Variants in KANK3 observed in about 807,000 individuals in gnomAD.
The protein encoded by KANK3 is KN motif and ankyrin repeat domain-containing protein 3.
KANK3 carries 61 observed loss-of-function variants against 65.4 expected under a neutral mutation model. That is an observed-to-expected ratio of 0.93 (90% confidence interval 0.76 to 1.15). The LOEUF is 1.15. Ranked by LOEUF, KANK3 falls within the 50% of genes most tolerant of loss-of-function variation. The pLI is 0.00. For synonymous variants in KANK3, 586 were observed against 543.3 expected (o/e 1.08, Z -1.09); for missense variants, 1,187 against 1,178.8 (o/e 1.01, Z -0.10).
At chr19:8,327,014 G>A (rs918943562) in intron 7 of KANK3, among the ~76,000 whole-genome samples, 5 of 152,140 alleles carry the variant, frequency 3.3e-5, no homozygotes, top group African/African-American at 1.2e-4. Context: ...TGCCTGTTTG[G>A]ATGATATTTC....
At chr19:8,329,122 G>T (rs192805922) in intron 7 of KANK3, among the ~76,000 whole-genome samples, 1 of 147,280 alleles carries the variant, frequency 6.8e-6, no homozygotes, top group South Asian at 2.2e-4. Flanking sequence ...AGTGAGCCGA[G>T]ATGGCGCCAC....
chr19:8,342,970 C>A (rs1970739751), intron 1 of KANK3, among the ~76,000 whole-genome samples: 1 of 152,150 alleles, frequency 6.6e-6, no homozygotes, highest in South Asian at 2.1e-4. Flanking sequence ...AGGGAGCGAA[C>A]GAGCCCCGCA....
rs1568579072 is a variant in KANK3 at position 8,337,773 on chromosome 19, ATCTC to A, written c.34+18_34+21del. Reference sequence around the variant, plus strand: ...TCTGTGCATGCGCACACACACACACATCTCTCTTTTTGCACACTCACCGGGCAGG... The same window carrying A: ...TCTGTGCATGCGCACACACACACACATCTTTTTGCACACTCACCGGGCAGG... On this transcript the variant is annotated intron_variant, in intron 2 of 10. Coordinates refer to ENST00000330915, the MANE Select transcript of KANK3 (RefSeq NM_198471.3). 6.2e-7 allele frequency: 1 copy of A among 1,611,900 alleles called. No individual in the cohort carries two copies. Among genetic ancestry groups the A allele is most frequent in the Admixed American group, 1.7e-5 (1 of 59,982 alleles).
intron 7 of KANK3, among the ~76,000 whole-genome samples, chr19:8,330,527 G>A (rs1375906409): frequency 2.6e-5 from 4 of 152,032 alleles, no homozygotes; most frequent in African/African-American, 9.7e-5. Context: ...TCGGGAGTTT[G>A]AGACCAGCCT....
At chr19:8,329,615 T>TTGTC (rs1355555164) in intron 7 of KANK3, among the ~76,000 whole-genome samples, 1 of 151,128 alleles carries the variant, frequency 6.6e-6, no homozygotes, top group Non-Finnish European at 1.5e-5. Context: ...TAGAAACAGG[T>TTGTC]TGTCCTTTAA....
At position 8,334,530 on chromosome 19, in the gene KANK3, T is replaced by C. The variant is rs1282806108; in HGVS notation, c.1297A>G (p.Met433Val). ...SLTQESSPGS[M>V]DGDRAVAPAG... ...GGCGCCACGGCCCTGTCTCCGTCCATGGATCCGGGCGAGCTCTCCTGAGTC... is the reference window on the plus strand; with the variant it reads ...GGCGCCACGGCCCTGTCTCCGTCCACGGATCCGGGCGAGCTCTCCTGAGTC... Residue 433 changes from methionine to valine, a missense_variant, in exon 3 of 11, where the codon ATG becomes GTG. Met to Val is a conservative substitution (Grantham distance 21). Coordinates refer to ENST00000330915, the MANE Select transcript of KANK3 (RefSeq NM_198471.3). The C allele has an allele frequency of 6.2e-7, 1 of 1,603,382 alleles. No individual in the cohort carries two copies. Among genetic ancestry groups the C allele is most frequent in the Non-Finnish European group, 8.5e-7 (1 of 1,179,552 alleles).
At position 8,325,002 on chromosome 19, in the gene KANK3, A is replaced by C; in HGVS notation, c.2031T>G (p.Ala677=). The change falls in exon 8 of 11, where the codon GCT becomes GCG. Residue 677 remains alanine (A), a synonymous_variant. Transcript: ENST00000330915. ...CCATGCAGAAGAGTCTCTGGACCAC[A>C]GCCATGTCCTCCTCTTCCTGCCTCA... ...TSVRQEEEDM[A]VVQRLFCMGD... The C allele has an allele frequency of 6.2e-7, 1 of 1,609,536 alleles. No individual in the cohort carries two copies. The highest frequency in any genetic ancestry group is 8.5e-7 in the Non-Finnish European group (1 of 1,179,046).
Position 8,322,755 on chromosome 19 carries a change from C to A in KANK3, c.*84G>T. ...AGTGTTAGCCTCTGAGCAGGGGACC[C>A]TGGACCCTTCTGTGCGCCAAAGGCT... On this transcript the variant is annotated 3_prime_UTR_variant, in exon 11 of 11. Coordinates refer to ENST00000330915, the MANE Select transcript of KANK3 (RefSeq NM_198471.3). The A allele has an allele frequency of 9.5e-7, 1 of 1,055,432 alleles. No individual in the cohort carries two copies. The highest frequency in any genetic ancestry group is 2.5e-5 in the East Asian group (1 of 40,642). The allele number at this position is 1,055,432 out of a possible 1,614,324, so 65.4% of individuals were successfully genotyped here.
At position 8,325,079 on chromosome 19, in the gene KANK3, G is replaced by C; in HGVS notation, c.1954C>G (p.Arg652Gly). The change falls in exon 8 of 11, where the codon CGC becomes GGC. Residue 652 changes from arginine to glycine, a missense_variant. By Grantham distance (125) the Arg-to-Gly change is moderately radical. Transcript: ENST00000330915. The part of the protein sequence containing the change: ...LLDTGACEVN[R>G]QNRAGYSALM... ...GCCGAGTAGCCGGCTCGGTTCTGGCGGTTGACCTCGCAGGCCCCTGGGAGA... is the reference window on the plus strand; with the variant it reads ...GCCGAGTAGCCGGCTCGGTTCTGGCCGTTGACCTCGCAGGCCCCTGGGAGA... 1 of 1,612,928 alleles carries C rather than the reference G, an allele frequency of 6.2e-7. No individual in the cohort carries two copies. The highest frequency in any genetic ancestry group is 8.5e-7 in the Non-Finnish European group (1 of 1,179,788).
intron 7 of KANK3, among the ~76,000 whole-genome samples, chr19:8,327,121 C>T (rs981800906): frequency 6.6e-6 from 1 of 151,966 alleles, no homozygotes; most frequent in Non-Finnish European, 1.5e-5. Flanking sequence ...GGGAAAGGAG[C>T]GGGGTCGGGG....
At chr19:8,340,731 C>G (rs944106178) in intron 1 of KANK3, among the ~76,000 whole-genome samples, 2 of 152,182 alleles carry the variant, frequency 1.3e-5, no homozygotes, top group Admixed American at 1.3e-4. Flanking sequence ...TTTCCCACTT[C>G]TGTCTGGCCG....
At chr19:8,337,964 C>G (rs1970670901) in intron 1 of KANK3, 108 bp from the exon 2 acceptor site, 2 of 1,515,994 alleles carry the variant, frequency 1.3e-6, no homozygotes, top group Admixed American at 4.2e-5. Context: ...CTCCACCCAG[C>G]CACCTCCCTC....
chr19:8,337,198 A>AGT (rs1970655175), intron 2 of KANK3, among the ~76,000 whole-genome samples: 2 of 72,412 alleles, frequency 2.8e-5, no homozygotes, highest in African/African-American at 1.3e-4. Context: ...ATGCCTGGCT[A>AGT]ATTTTTTTTT....
At chr19:8,323,745 A>G (rs1022342759) in intron 10 of KANK3, among the ~76,000 whole-genome samples, 5 of 152,158 alleles carry the variant, frequency 3.3e-5, no homozygotes, top group African/African-American at 1.2e-4. Context: ...AAATAAATAA[A>G]AAATGGTAAG....
intron 2 of KANK3, among the ~76,000 whole-genome samples, chr19:8,336,577 T>A (rs1336480169): frequency 6.0e-5 from 7 of 115,946 alleles, no homozygotes; most frequent in Non-Finnish European, 1.1e-4. Flanking sequence ...TCTCCAAAAA[T>A]ATATATATAC....
At chr19:8,329,932 T>C (rs917107351) in intron 7 of KANK3, among the ~76,000 whole-genome samples, 13 of 152,142 alleles carry the variant, frequency 8.5e-5, no homozygotes, top group African/African-American at 3.1e-4. Context: ...GGGTAACCAG[T>C]GCACAGTGGA....
intron 7 of KANK3, chr19:8,332,759 G>C (rs1197238111): frequency 1.7e-5 from 3 of 180,106 alleles, no homozygotes; most frequent in Non-Finnish European, 3.4e-5. Context: ...GGAGGTTGCA[G>C]TGAGCCGAGA....
rs772438422 is a variant in KANK3 at position 8,337,794 on chromosome 19, C to G, written c.34+1G>C. The G allele has an allele frequency of 6.2e-7, 1 of 1,613,122 alleles. No individual in the cohort carries two copies. The highest frequency in any genetic ancestry group is 1.7e-5 in the Admixed American group (1 of 59,998). On this transcript the variant is annotated splice_donor_variant, in intron 2 of 10. Coordinates refer to ENST00000330915, the MANE Select transcript of KANK3 (RefSeq NM_198471.3). LOFTEE classifies it high-confidence loss of function. Reference sequence around the variant, plus strand: ...ACACATCTCTCTTTTTGCACACTCACCGGGCAGGTTCTGATTCAGGGCAAA... The same window carrying G: ...ACACATCTCTCTTTTTGCACACTCAGCGGGCAGGTTCTGATTCAGGGCAAA...
Position 8,333,884 on chromosome 19 carries a change from C to T in KANK3, c.1634+26G>A, listed in dbSNP as rs1568575135. The stretch of plus-strand genomic sequence containing the variant: ...CAGGAGGAGGGCAGCCGCCTCCTCT[C>T]CAAACAACTAGCGAGCGCCGCTCAC... On this transcript the variant is annotated intron_variant, in intron 5 of 10. Coordinates refer to ENST00000330915, the MANE Select transcript of KANK3 (RefSeq NM_198471.3). The surrounding 1 kb of genome is among the most constrained non-coding windows in gnomAD (Gnocchi z 5.0). 8.9e-6 allele frequency: 14 copies of T among 1,565,882 alleles called. No individual in the cohort carries two copies. Among genetic ancestry groups the T allele is most frequent in the Non-Finnish European group, 1.2e-5 (14 of 1,157,478 alleles).
Sources: allele counts gnomAD v4.1 joint callset (sites outside exome capture counted in the v4.1 genomes callset), GRCh38; gene constraint gnomAD v4.1.1; non-coding constraint Gnocchi (gnomAD v3.1); transcripts MANE v1.5; gene names NCBI Gene and HGNC (gene_info 2026-07-23, HGNC 2026-07-21).